Variants in PRKG1 observed in about 807,000 individuals in gnomAD.
PRKG1 encodes the protein cGMP-dependent protein kinase 1.
PRKG1 carries 35 observed loss-of-function variants against 88.1 expected under a neutral mutation model. The ratio of observed to expected loss-of-function variants is 0.40; its 90% CI spans 0.30 to 0.53. The LOEUF (loss-of-function observed/expected upper bound fraction) is 0.53. Ranked by LOEUF, PRKG1 falls within the 20% of genes least tolerant of loss-of-function variation. PRKG1 has a pLI of 0.59. For synonymous variants in PRKG1, 303 were observed against 292.5 expected, an observed-to-expected ratio of 1.04 and a Z score of -0.37; for missense variants, 540 against 839.8, an observed-to-expected ratio of 0.64 and a Z score of 4.41.
At chr10:51,069,331 C>A (rs554734508) in intron 1 of PRKG1, among the ~76,000 whole-genome samples, 3 of 151,746 alleles carry the variant, frequency 2.0e-5, no homozygotes, top group Admixed American at 2.0e-4. Context: ...TACTTATATC[C>A]ATGTAAATAT....
intron 9 of PRKG1, among the ~76,000 whole-genome samples, chr10:52,196,307 C>T (rs192489202): frequency 6.4e-4 from 98 of 152,268 alleles, no homozygotes; most frequent in African/African-American, 2.1e-3. Context: ...TGAGCCACCG[C>T]GCCAGGCCAA....
chr10:51,667,112 ATAAC>A (rs1024889507), intron 3 of PRKG1, among the ~76,000 whole-genome samples: 6 of 152,200 alleles, frequency 3.9e-5, no homozygotes, highest in African/African-American at 1.4e-4. Context: ...ATAATATCTA[ATAAC>A]TAAAGACTCC....
intron 9 of PRKG1, among the ~76,000 whole-genome samples, chr10:52,201,467 G>C (rs1262193756): frequency 6.6e-6 from 1 of 152,078 alleles, no homozygotes; most frequent in Non-Finnish European, 1.5e-5. Context: ...CTGTAGTATA[G>C]TTTGAAGTCA....
At chr10:52,023,023 C>T (rs1371184624) in intron 5 of PRKG1, among the ~76,000 whole-genome samples, 5 of 152,060 alleles carry the variant, frequency 3.3e-5, no homozygotes, top group African/African-American at 1.2e-4. Flanking sequence ...CCCATCAACC[C>T]GTCATCTACA....
At chr10:51,862,349 G>C (rs1387924600) in intron 4 of PRKG1, among the ~76,000 whole-genome samples, 1 of 152,156 alleles carries the variant, frequency 6.6e-6, no homozygotes, top group Admixed American at 6.5e-5. Context: ...GAGGGTTACA[G>C]TGTTACAGCA....
At chr10:51,323,980 C>T (rs1841518514) in intron 2 of PRKG1, among the ~76,000 whole-genome samples, 1 of 152,106 alleles carries the variant, frequency 6.6e-6, no homozygotes, top group Non-Finnish European at 1.5e-5. Context: ...ATTTATATGC[C>T]ATAGTAGTAC....
chr10:51,593,265 G>A (rs1838357600), intron 3 of PRKG1, among the ~76,000 whole-genome samples: 1 of 152,116 alleles, frequency 6.6e-6, no homozygotes, highest in Non-Finnish European at 1.5e-5. Context: ...TTGTCTTCAA[G>A]AGAAATGCTG....
At chr10:51,990,773 T>C (rs993564528) in intron 5 of PRKG1, among the ~76,000 whole-genome samples, 1 of 152,090 alleles carries the variant, frequency 6.6e-6, no homozygotes, top group African/African-American at 2.4e-5. Context: ...TATGTGTCCA[T>C]GCGTTCTCAT....
chr10:51,842,819 C>T (rs1041865103), intron 4 of PRKG1, among the ~76,000 whole-genome samples: 18 of 151,726 alleles, frequency 1.2e-4, no homozygotes, highest in African/African-American at 3.9e-4. Context: ...AGAAATTATG[C>T]CTGTCAATTA....
chr10:51,916,336 C>A (rs144716003), intron 5 of PRKG1, among the ~76,000 whole-genome samples: 118 of 152,290 alleles, frequency 7.7e-4, no homozygotes, highest in Middle Eastern at 3.4e-3. Context: ...CTGCTATACT[C>A]CCACCAGCAC....
intron 3 of PRKG1, among the ~76,000 whole-genome samples, chr10:51,573,320 G>A (rs980501154): frequency 1.3e-5 from 2 of 151,818 alleles, no homozygotes; most frequent in Non-Finnish European, 2.9e-5. Flanking sequence ...GGTATTTTAG[G>A]ATGCTGAGTA....
At chr10:51,883,413 T>C (rs951052781) in intron 4 of PRKG1, among the ~76,000 whole-genome samples, 2 of 152,226 alleles carry the variant, frequency 1.3e-5, no homozygotes, top group Non-Finnish European at 2.9e-5. Context: ...ATCCTATTAG[T>C]TCTGTTTATC....
At chr10:51,952,888 T>C (rs990151890) in intron 5 of PRKG1, among the ~76,000 whole-genome samples, 1 of 152,176 alleles carries the variant, frequency 6.6e-6, no homozygotes, top group African/African-American at 2.4e-5. Context: ...AACCATTCTG[T>C]TGCCATGTCT....
chr10:51,569,784 T>G (rs894549674), intron 3 of PRKG1, among the ~76,000 whole-genome samples: 8 of 151,972 alleles, frequency 5.3e-5, no homozygotes, highest in African/African-American at 1.9e-4. Context: ...ACTATTAATT[T>G]ATTTAAAACG....
At chr10:51,016,875 G>T (rs1347079323) in intron 1 of PRKG1, among the ~76,000 whole-genome samples, 1 of 150,758 alleles carries the variant, frequency 6.6e-6, no homozygotes, top group Non-Finnish European at 1.5e-5. Flanking sequence ...TACCATGTTG[G>T]CCAGTAGGGT....
chr10:51,811,844 G>C (rs1839465030), intron 4 of PRKG1, among the ~76,000 whole-genome samples: 1 of 152,150 alleles, frequency 6.6e-6, no homozygotes, highest in Non-Finnish European at 1.5e-5. Flanking sequence ...GATAGATTTG[G>C]AATGGGGCCA....
intron 3 of PRKG1, among the ~76,000 whole-genome samples, chr10:51,712,651 G>A (rs1378706583): frequency 9.5e-5 from 13 of 136,612 alleles, no homozygotes; most frequent in Non-Finnish European, 1.2e-4. Context: ...GTGCAGTGGC[G>A]CAGTCTCGGC....
At chr10:51,314,288 C>G (rs1276277430) in intron 2 of PRKG1, among the ~76,000 whole-genome samples, 1 of 151,986 alleles carries the variant, frequency 6.6e-6, no homozygotes, top group African/African-American at 2.4e-5. Flanking sequence ...TCGCAGAGTC[C>G]CTCTGTAATA....
Position 51,020,847 on chromosome 10 carries a change from A to G in PRKG1, c.266+29203A>G, listed in dbSNP as rs1215527220. On this transcript the variant is annotated intron_variant, in intron 1 of 17. Transcript: ENST00000401604. ...AGTAGGGAAAGTTTCATGAGTCAAA[A>G]TTGATTTATCCATTGAATTTATCTG... is the stretch of plus-strand genomic sequence containing the variant. Among the ~76,000 whole-genome samples the G allele has an allele frequency of 2.6e-5, 4 of 152,128 alleles. No individual in the cohort carries two copies. In the South Asian group the frequency reaches 8.3e-4, roughly 32 times the overall value.
Sources: gnomAD v4.1 joint callset for allele counts (sites outside exome capture counted in the v4.1 genomes callset) on GRCh38, gnomAD v4.1.1 for gene constraint, MANE v1.5 for transcripts, NCBI Gene and HGNC (gene_info 2026-07-23, HGNC 2026-07-21) for gene names.